TNFAIP8: variants seen among roughly 807,000 people sequenced by gnomAD.
TNFAIP8 encodes the protein tumor necrosis factor alpha-induced protein 8.
In TNFAIP8, 7 loss-of-function variants were observed where a neutral mutation model predicts 13.3. The observed-to-expected ratio is 0.52, with a 90% CI of 0.30 to 0.99. The LOEUF is 0.99. Ranked by LOEUF, TNFAIP8 falls within the 50% of genes least tolerant of loss-of-function variation. The pLI is 0.07. For synonymous variants in TNFAIP8, 94 were observed against 87.6 expected (o/e 1.07, Z -0.41); for missense variants, 258 against 236.9 (o/e 1.09, Z -0.58).
chr5:119,273,872 A>AT (rs1406032576), intron 1 of TNFAIP8, among the ~76,000 whole-genome samples: 1 of 152,186 alleles, frequency 6.6e-6, no homozygotes, highest in East Asian at 1.9e-4. Context: ...ACTCTTGGAT[A>AT]TTTTAAAGGA....
chr5:119,339,343 G>A (rs1242921120), intron 1 of TNFAIP8, among the ~76,000 whole-genome samples: 1 of 152,092 alleles, frequency 6.6e-6, no homozygotes, highest in African/African-American at 2.4e-5. Context: ...TGGCAAGGGG[G>A]TATGGGATTT....
At chr5:119,319,558 C>T (rs1000837282) in intron 1 of TNFAIP8, among the ~76,000 whole-genome samples, 1 of 152,056 alleles carries the variant, frequency 6.6e-6, no homozygotes, top group African/African-American at 2.4e-5. Context: ...TGGGAGAGTT[C>T]TCTGCTAGAA....
chr5:119,317,778 G>A (rs1033256082), intron 1 of TNFAIP8, among the ~76,000 whole-genome samples: 3 of 151,844 alleles, frequency 2.0e-5, no homozygotes, highest in Non-Finnish European at 4.4e-5. Flanking sequence ...TTTAATTTTC[G>A]TAGAGACGGG....
chr5:119,333,211 A>T (rs1291350266), intron 1 of TNFAIP8: 7 of 1,005,282 alleles, frequency 7.0e-6, no homozygotes, highest in African/African-American at 3.5e-5. Context: ...GTCACAGGTA[A>T]TCTTGCATTT....
chr5:119,376,149 C>T (rs1217513570), intron 1 of TNFAIP8, among the ~76,000 whole-genome samples: 3 of 151,072 alleles, frequency 2.0e-5, no homozygotes, highest in African/African-American at 7.3e-5. Flanking sequence ...AAATCTTGCT[C>T]TGTTGCCCAG....
At chr5:119,269,346 A>T (rs1469475147) in intron 1 of TNFAIP8, among the ~76,000 whole-genome samples, 1 of 152,142 alleles carries the variant, frequency 6.6e-6, no homozygotes. Flanking sequence ...CTGGCCTGAG[A>T]TTGTAATCCA....
intron 1 of TNFAIP8, among the ~76,000 whole-genome samples, chr5:119,373,149 A>G (rs777079842): frequency 6.6e-6 from 1 of 152,080 alleles, no homozygotes. Flanking sequence ...AAAGCTTAAT[A>G]ACCATACCCA....
In TNFAIP8 at chr5:119,393,725, T is replaced by G. The variant is rs1486939714; in HGVS notation, c.*344T>G. 1 of 235,510 alleles carries G rather than the reference T, an allele frequency of 4.2e-6. No homozygotes were observed. The highest frequency in any genetic ancestry group is 2.3e-5 in the African/African-American group (1 of 44,306). 14.6% of individuals were successfully genotyped at this position (235,510 alleles called of 1,614,324 possible). A position where few individuals can be genotyped will look rare whatever the true frequency, so the allele number is the denominator to read the frequency against. Reference sequence around the variant, plus strand: ...GTGTTGGTGGCACATTGGATATTTCTAACATGTACAAAGCTATGTATTTTG... The same window carrying G: ...GTGTTGGTGGCACATTGGATATTTCGAACATGTACAAAGCTATGTATTTTG... On this transcript the variant is annotated 3_prime_UTR_variant, in exon 2 of 2. Transcript: ENST00000504771.
At chr5:119,312,144 G>GA (rs1272098965) in intron 1 of TNFAIP8, among the ~76,000 whole-genome samples, 2,239 of 151,542 alleles carry the variant, frequency 0.015, 62 homozygotes, top group African/African-American at 0.051. Flanking sequence ...TAAAACTTTG[G>GA]GAAAAAAAAT....
chr5:119,347,850 C>T (rs185450773), intron 1 of TNFAIP8, among the ~76,000 whole-genome samples: 4 of 152,288 alleles, frequency 2.6e-5, no homozygotes, highest in Admixed American at 1.3e-4. Flanking sequence ...CCTAAGCAGT[C>T]ATCAGTTGGC....
chr5:119,388,593 G>A (rs1403099493), intron 1 of TNFAIP8, among the ~76,000 whole-genome samples: 1 of 152,136 alleles, frequency 6.6e-6, no homozygotes, highest in African/African-American at 2.4e-5. Flanking sequence ...ACAAGGAGGT[G>A]TGATAGTTAG....
chr5:119,308,390 A>AT (rs1749629586), intron 1 of TNFAIP8, among the ~76,000 whole-genome samples: 1 of 102,476 alleles, frequency 9.8e-6, no homozygotes, highest in Non-Finnish European at 2.0e-5. Context: ...TACGTTTCCC[A>AT]CCTTTTTTTT....
chr5:119,367,263 C>T (rs777991504), intron 1 of TNFAIP8, among the ~76,000 whole-genome samples: 4 of 151,828 alleles, frequency 2.6e-5, no homozygotes, highest in Non-Finnish European at 4.4e-5. Context: ...AAATGCAATT[C>T]GGCCAAATTA....
rs577055594 is a variant in TNFAIP8 at position 119,361,909 on chromosome 5, G to T, written c.31+5788G>T. 2.0e-5 allele frequency among the ~76,000 whole-genome samples: 3 copies of T among 152,292 alleles called. No individual in the cohort carries two copies. In the South Asian group the frequency reaches 6.2e-4, roughly 32 times the overall value. ...CTGCTGCTGCCTTCTTTGAGCCTCA[G>T]ATACTCCTAACAACAAATGTTAACT... On this transcript the variant is annotated intron_variant, in intron 1 of 1. Coordinates refer to ENST00000504771, the MANE Select transcript of TNFAIP8 (RefSeq NM_014350.4).
intron 1 of TNFAIP8, among the ~76,000 whole-genome samples, chr5:119,285,577 C>T (rs1424356342): frequency 6.6e-6 from 1 of 152,016 alleles, no homozygotes. Context: ...ATTTGTGTTC[C>T]CTCTCATTGC....
At chr5:119,356,445 C>A (rs1483449486) in intron 1 of TNFAIP8, among the ~76,000 whole-genome samples, 2 of 151,958 alleles carry the variant, frequency 1.3e-5, no homozygotes, top group Non-Finnish European at 2.9e-5. Context: ...TGGAAAAGGG[C>A]TGCCTGCCTG....
intron 1 of TNFAIP8, among the ~76,000 whole-genome samples, chr5:119,320,966 C>T (rs1326636262): frequency 6.6e-6 from 1 of 152,132 alleles, no homozygotes; most frequent in African/African-American, 2.4e-5. Flanking sequence ...CCTGTAATCC[C>T]AACACTCCGG....
chr5:119,271,877 C>A (rs1331648984), intron 1 of TNFAIP8, among the ~76,000 whole-genome samples: 1 of 152,138 alleles, frequency 6.6e-6, no homozygotes, highest in Non-Finnish European at 1.5e-5. Context: ...AAAAGGCCCT[C>A]GTAACACCCA....
At chr5:119,317,502 T>C (rs2112682530) in intron 1 of TNFAIP8, among the ~76,000 whole-genome samples, 1 of 151,378 alleles carries the variant, frequency 6.6e-6, no homozygotes, top group East Asian at 1.9e-4. Context: ...AAATCAGTTT[T>C]CTTTAATTTT....
Sources: allele counts gnomAD v4.1 joint callset (sites outside exome capture counted in the v4.1 genomes callset), GRCh38; gene constraint gnomAD v4.1.1; transcripts MANE v1.5; gene names NCBI Gene and HGNC (gene_info 2026-07-23, HGNC 2026-07-21).